The following ANKRD28 variants were observed in gnomAD, a reference collection of about 807,000 sequenced individuals.
The protein encoded by ANKRD28 is serine/threonine-protein phosphatase 6 regulatory ankyrin repeat subunit A.
ANKRD28 carries 44 observed loss-of-function variants against 126.5 expected under a neutral mutation model. The ratio of observed to expected loss-of-function variants is 0.35; its 90% CI spans 0.27 to 0.45. The LOEUF (loss-of-function observed/expected upper bound fraction) is 0.45, where lower values mean the gene tolerates loss of function less well. Among genes scored for constraint, ANKRD28 ranks in the 20% least tolerant of loss-of-function variants. The pLI is 1.00. For synonymous variants in ANKRD28, 442 were observed against 468.5 expected (o/e 0.94, Z 0.73); for missense variants, 1,110 against 1,316.6 (o/e 0.84, Z 2.43).
chr3:15,770,282 A>G (rs997214330), intron 2 of ANKRD28, among the ~76,000 whole-genome samples: 2 of 152,080 alleles, frequency 1.3e-5, no homozygotes, highest in Admixed American at 6.5e-5. Flanking sequence ...GTGGAACCTT[A>G]AAGTTTCAGA....
At position 15,845,788 on chromosome 3, in the gene ANKRD28, G is replaced by A. The variant is rs1337551327; in HGVS notation, c.27+13589C>T. Among the ~76,000 whole-genome samples, 1 of 152,144 alleles carries A rather than the reference G, an allele frequency of 6.6e-6. No homozygotes were observed. Among genetic ancestry groups the A allele is most frequent in the Non-Finnish European group, 1.5e-5 (1 of 68,020 alleles). ...TATGACTCAAGAAACTTAGAATCAC[G>A]GTGGAGGGCAAAGGGGAAGCAAGCA... On this transcript the variant is annotated intron_variant, in intron 1 of 27. Transcript: ENST00000399451. This position sits in a 1 kb window ranked among gnomAD's most constrained non-coding sequence, Gnocchi z 4.9.
chr3:15,699,377 C>G (rs2070197406), intron 14 of ANKRD28, among the ~76,000 whole-genome samples: 1 of 152,082 alleles, frequency 6.6e-6, no homozygotes, highest in Non-Finnish European at 1.5e-5. Context: ...GCAACAGAAG[C>G]CAAAATAGAC....
Position 15,858,847 on chromosome 3 carries a change from A to ATT in ANKRD28, c.27+529_27+530insAA, listed in dbSNP as rs1191091795. Among the ~76,000 whole-genome samples, 3 of 152,252 alleles carry ATT rather than the reference A, an allele frequency of 2.0e-5. No homozygotes were observed. In the East Asian group the frequency reaches 5.8e-4, roughly 29 times the overall value. On this transcript the variant is annotated intron_variant, in intron 1 of 27. Coordinates refer to the ANKRD28 transcript ENST00000399451. ...TTGACCAGCTCTTCATAAGTCAAGA[A>ATT]AAGTAACAAGATGGTGCACAAAATG...
rs976393450 is a variant in ANKRD28, at chr3:15,837,775, C to T, written c.27+21602G>A. On this transcript the variant is annotated intron_variant, in intron 1 of 27. Coordinates refer to the ANKRD28 transcript ENST00000399451. ...CCAACACAAGTAGCAGGGGAAAAAACAATCAATATTAGAGGAAGAATCAAT... is the reference window on the plus strand; with the variant it reads ...CCAACACAAGTAGCAGGGGAAAAAATAATCAATATTAGAGGAAGAATCAAT... 3.0e-4 allele frequency among the ~76,000 whole-genome samples: 44 copies of T among 148,122 alleles called. 1 individual carries two copies. The highest frequency in any genetic ancestry group is 1.1e-3 in the African/African-American group (44 of 40,180).
chr3:15,672,709 G>A (rs2066498895), intron 27 of ANKRD28, among the ~76,000 whole-genome samples: 1 of 152,134 alleles, frequency 6.6e-6, no homozygotes, highest in East Asian at 1.9e-4. Context: ...AGCGGGAGTG[G>A]GGAAAGAAGC....
rs924776376 is a variant in ANKRD28, at chr3:15,797,231, C to T, written c.-710G>A. On this transcript the variant is annotated 5_prime_UTR_variant, in exon 1 of 28. It removes an upstream start codon present in the reference 5' UTR. Transcript: ENST00000683139. Reference sequence around the variant, plus strand: ...AAACAAAAAAAAAAAAACCACTCTGCATTAATAGCAAAGCTGCAGTACGTT... The same window carrying T: ...AAACAAAAAAAAAAAAACCACTCTGTATTAATAGCAAAGCTGCAGTACGTT... 3 of 980,394 alleles carry T rather than the reference C, an allele frequency of 3.1e-6. No homozygotes were observed. In the African/African-American group the frequency reaches 5.3e-5, roughly 17 times the overall value. 60.7% of individuals were successfully genotyped at this position (980,394 alleles called of 1,614,324 possible). A position where few individuals can be genotyped will look rare whatever the true frequency, so the allele number is the denominator to read the frequency against.
At chr3:15,788,061 TC>T (rs2059862197) in intron 2 of ANKRD28, among the ~76,000 whole-genome samples, 1 of 152,174 alleles carries the variant, frequency 6.6e-6, no homozygotes, top group Non-Finnish European at 1.5e-5. Context: ...TTGCTCATAA[TC>T]TCAGCCTTCC....
chr3:15,859,491 A>G, exon 1 of ANKRD28: 2 of 1,274,784 alleles, frequency 1.6e-6, no homozygotes, highest in Non-Finnish European at 2.1e-6. Context: ...CCGCCCCAGT[A>G]GCCTTGGCCG....
intron 1 of ANKRD28, among the ~76,000 whole-genome samples, chr3:15,805,391 C>A (rs769200050): frequency 2.6e-5 from 4 of 151,592 alleles, no homozygotes; most frequent in Non-Finnish European, 4.4e-5. Context: ...TTTTAGAGGT[C>A]TTTTTTTTAA....
intron 14 of ANKRD28, among the ~76,000 whole-genome samples, chr3:15,705,742 C>T (rs2071264189): frequency 6.6e-6 from 1 of 152,210 alleles, no homozygotes; most frequent in Admixed American, 6.5e-5. Flanking sequence ...TGGCTCACTC[C>T]TGTAATCCCA....
intron 2 of ANKRD28, among the ~76,000 whole-genome samples, chr3:15,786,802 T>C (rs1165520570): frequency 2.6e-5 from 4 of 152,118 alleles, no homozygotes; most frequent in Non-Finnish European, 5.9e-5. Context: ...TATGCAAGTA[T>C]TGATACTTGA....
chr3:15,766,322 T>A lies in ANKRD28; in HGVS notation c.202-10A>T. 1 of 1,599,508 alleles carries A rather than the reference T, an allele frequency of 6.3e-7. No homozygotes were observed. The highest frequency in any genetic ancestry group is 8.5e-7 in the Non-Finnish European group (1 of 1,169,900). On this transcript the variant is annotated splice_polypyrimidine_tract_variant and intron_variant, in intron 2 of 27. Coordinates refer to ENST00000683139, the MANE Select transcript of ANKRD28 (RefSeq NM_001349278.2). ...TTCGCTTTTCATTGTCCTGTGATAATAAGGAAAGGTGGGAAATAAGTTTTA... is the reference window on the plus strand; with the variant it reads ...TTCGCTTTTCATTGTCCTGTGATAAAAAGGAAAGGTGGGAAATAAGTTTTA...
At chr3:15,714,840 T>A (rs1006837094) in intron 8 of ANKRD28, among the ~76,000 whole-genome samples, 184 bp from the exon 9 acceptor site, 11 of 152,144 alleles carry the variant, frequency 7.2e-5, no homozygotes. Flanking sequence ...AGCACGTGTA[T>A]CATAAAACAC....
At chr3:15,786,433 A>C (rs2059782525) in intron 2 of ANKRD28, among the ~76,000 whole-genome samples, 1 of 152,124 alleles carries the variant, frequency 6.6e-6, no homozygotes, top group Non-Finnish European at 1.5e-5. Context: ...AGGAAAAAAC[A>C]AAATGTACAA....
rs2060723340 is a variant in ANKRD28, at chr3:15,812,025, C to T, written c.28-16719G>A. On this transcript the variant is annotated intron_variant, in intron 1 of 27. Coordinates refer to the ANKRD28 transcript ENST00000399451. This position sits in a 1 kb window ranked among gnomAD's most constrained non-coding sequence, Gnocchi z 4.1. Reference sequence around the variant, plus strand: ...AAAATTAGCCAGGCGTGGTGGTACGCACCTGTAGTCCCAGCTACTCAGGAG... The same window carrying T: ...AAAATTAGCCAGGCGTGGTGGTACGTACCTGTAGTCCCAGCTACTCAGGAG... 6.6e-6 allele frequency among the ~76,000 whole-genome samples: 1 copy of T among 151,898 alleles called. No individual in the cohort carries two copies. The highest frequency in any genetic ancestry group is 1.5e-5 in the Non-Finnish European group (1 of 67,980).
chr3:15,789,854 C>T (rs975305872), intron 2 of ANKRD28, among the ~76,000 whole-genome samples: 5 of 151,530 alleles, frequency 3.3e-5, no homozygotes, highest in African/African-American at 1.2e-4. Context: ...TAAAAAAATA[C>T]AATTGACAAA....
At chr3:15,700,592 G>A (rs901233543) in intron 14 of ANKRD28, among the ~76,000 whole-genome samples, 1 of 152,152 alleles carries the variant, frequency 6.6e-6, no homozygotes, top group Non-Finnish European at 1.5e-5. Context: ...TGGCCAACAT[G>A]GTGAAATCTT....
chr3:15,668,285 A>G lies in ANKRD28; in HGVS notation c.*1985T>C, dbSNP rs1446136753. 6.6e-6 allele frequency: 1 copy of G among 152,192 alleles called. No individual in the cohort carries two copies. Among genetic ancestry groups the G allele is most frequent in the Non-Finnish European group, 1.5e-5 (1 of 68,032 alleles). The allele number at this position is 152,192 out of a possible 1,614,324, so 9.4% of individuals were successfully genotyped here. On this transcript the variant is annotated 3_prime_UTR_variant, in exon 28 of 28. Coordinates refer to ENST00000683139, the MANE Select transcript of ANKRD28 (RefSeq NM_001349278.2). ...TTCTGAGATTCTAGAAAATTCCCTC[A>G]GGGAATTCAGAAGAGAATTCCTAAA...
chr3:15,747,799 G>T lies in ANKRD28; in HGVS notation c.351+3951C>A, dbSNP rs186432031. 1.1e-3 allele frequency among the ~76,000 whole-genome samples: 166 copies of T among 152,240 alleles called. 1 individual carries two copies. Among genetic ancestry groups the T allele is most frequent in the Non-Finnish European group, 2.0e-3 (139 of 67,984 alleles). On this transcript the variant is annotated intron_variant, in intron 4 of 27. Transcript: ENST00000683139. ...CTAGTGCTGTTAATGGAGTATTAAA[G>T]TCCCCCACTATTATTGTGTTGCTCT... is the stretch of plus-strand genomic sequence containing the variant.
Sources: allele counts gnomAD v4.1 joint callset (sites outside exome capture counted in the v4.1 genomes callset), GRCh38; gene constraint gnomAD v4.1.1; non-coding constraint Gnocchi (gnomAD v3.1); transcripts MANE v1.5; gene names NCBI Gene and HGNC (gene_info 2026-07-23, HGNC 2026-07-21).